The following ABCG2 variants were observed in gnomAD, a reference collection of about 807,000 sequenced individuals.
The protein encoded by ABCG2 is ATP binding cassette subfamily G member 2 (JR blood group), also known as broad substrate specificity ATP-binding cassette transporter ABCG2.
Under a neutral mutation model 73.5 loss-of-function variants are expected in ABCG2, and 80 were observed. That is an observed-to-expected ratio of 1.09 (90% CI 0.91 to 1.31). The LOEUF is 1.31. ABCG2 is among the 50% of genes most tolerant of loss of function. ABCG2 has a pLI of 0.00. For missense variants in ABCG2, 796 were observed against 786.2 expected (o/e 1.01, Z -0.15); for synonymous variants, 269 against 282.4 (o/e 0.95, Z 0.48).
At chr4:88,113,695 G>C (rs28465652) in intron 8 of ABCG2, 142 bp from the exon 9 acceptor site, 45,925 of 1,098,992 alleles carry the variant, frequency 0.042, 3,736 homozygotes, top group African/African-American at 0.3. Context: ...AGGCACGGCG[G>C]CTCATGACTG....
At chr4:88,110,299 T>TG (rs1002147225) in intron 9 of ABCG2, among the ~76,000 whole-genome samples, 7 of 151,878 alleles carry the variant, frequency 4.6e-5, no homozygotes, top group African/African-American at 1.7e-4. Flanking sequence ...CCCAGCACTG[T>TG]GGGGGACTGA....
intron 1 of ABCG2, among the ~76,000 whole-genome samples, chr4:88,193,581 T>C (rs1277238299): frequency 6.6e-6 from 1 of 152,188 alleles, no homozygotes; most frequent in African/African-American, 2.4e-5. Flanking sequence ...GTATCTGAAT[T>C]ATCCTGGATC....
At position 88,131,195 on chromosome 4, in the gene ABCG2, T is replaced by C. The variant is rs1439799804; in HGVS notation, c.397A>G (p.Thr133Ala). 1.2e-6 allele frequency: 2 copies of C among 1,613,980 alleles called. No homozygotes were observed. Among genetic ancestry groups the C allele is most frequent in the Non-Finnish European group, 1.7e-6 (2 of 1,179,932 alleles). Residue 133 changes from threonine to alanine, a missense_variant, in exon 5 of 16, where the codon ACT (threonine) becomes GCT (alanine). Coordinates refer to ENST00000237612, the MANE Select transcript of ABCG2 (RefSeq NM_004827.3). ...YVVQDDVVMG[T>A]LTVRENLQFS... ...TGTAAGTTTTCTCTCACCGTCAGAG[T>C]GCCCATCACAACATCATCCTTAAGG... is the stretch of plus-strand genomic sequence containing the variant.
chr4:88,099,596 C>T, intron 11 of ABCG2, 148 bp from the exon 12 acceptor site: 1 of 675,228 alleles, frequency 1.5e-6, no homozygotes, highest in Non-Finnish European at 2.3e-6. Context: ...ACTATGCATG[C>T]CCATGAATAC....
intron 1 of ABCG2, among the ~76,000 whole-genome samples, chr4:88,149,142 G>A (rs1726266465): frequency 1.3e-5 from 2 of 152,110 alleles, no homozygotes; most frequent in African/African-American, 2.4e-5. Context: ...TTGAGCCCAG[G>A]GAGTTCCAGG....
At chr4:88,145,615 G>A (rs757336250) in intron 1 of ABCG2, among the ~76,000 whole-genome samples, 3 of 152,056 alleles carry the variant, frequency 2.0e-5, no homozygotes, top group Non-Finnish European at 2.9e-5. Context: ...ATCAGGAAAG[G>A]CTCACAACCC....
chr4:88,178,449 CAG>C (rs959728190), intron 1 of ABCG2, among the ~76,000 whole-genome samples: 2 of 152,138 alleles, frequency 1.3e-5, no homozygotes, highest in Non-Finnish European at 2.9e-5. Context: ...GGGTGAGACT[CAG>C]AGACTTGCTG....
chr4:88,100,320 C>T (rs922990168), intron 11 of ABCG2, among the ~76,000 whole-genome samples: 2 of 151,680 alleles, frequency 1.3e-5, no homozygotes, highest in South Asian at 2.1e-4. Context: ...GCCAACATGG[C>T]GAAACCCCAT....
chr4:88,155,675 C>T (rs766491456), intron 1 of ABCG2, among the ~76,000 whole-genome samples: 18 of 152,172 alleles, frequency 1.2e-4, no homozygotes, highest in Non-Finnish European at 1.9e-4. Flanking sequence ...GAGGCCGAGG[C>T]GGGTGGATCA....
chr4:88,156,548 T>C (rs1275230499), intron 1 of ABCG2, among the ~76,000 whole-genome samples: 1 of 152,018 alleles, frequency 6.6e-6, no homozygotes, highest in South Asian at 2.1e-4. Flanking sequence ...CATGAGCCCA[T>C]ACTGATACAA....
chr4:88,168,361 C>T (rs1412015571), intron 1 of ABCG2, among the ~76,000 whole-genome samples: 1 of 151,994 alleles, frequency 6.6e-6, no homozygotes, highest in African/African-American at 2.4e-5. Context: ...GTGGCATGCG[C>T]CTGTAGTCCC....
chr4:88,113,181 C>A, intron 9 of ABCG2, 122 bp downstream of exon 9: 1 of 1,307,116 alleles, frequency 7.7e-7, no homozygotes, highest in Non-Finnish European at 1.1e-6. Context: ...GTTCTATATC[C>A]CAGGTGGAGT....
chr4:88,129,471 A>G (rs1724687120), intron 5 of ABCG2, among the ~76,000 whole-genome samples: 1 of 152,214 alleles, frequency 6.6e-6, no homozygotes, highest in South Asian at 2.1e-4. Flanking sequence ...TATCCTAACA[A>G]GCAACATAGG....
chr4:88,098,065 C>T (rs1202686274), intron 12 of ABCG2, among the ~76,000 whole-genome samples: 1 of 152,182 alleles, frequency 6.6e-6, no homozygotes, highest in Non-Finnish European at 1.5e-5. Flanking sequence ...TAACCCAAGC[C>T]TCCCCAGACA....
At chr4:88,197,387 G>C (rs1005897778) in intron 1 of ABCG2, among the ~76,000 whole-genome samples, 8 of 152,072 alleles carry the variant, frequency 5.3e-5, no homozygotes, top group Admixed American at 1.3e-4. Flanking sequence ...AGAGTGAGGT[G>C]GAAGGACTGC....
At chr4:88,157,452 A>G (rs1398275753) in intron 1 of ABCG2, among the ~76,000 whole-genome samples, 1 of 152,360 alleles carries the variant, frequency 6.6e-6, no homozygotes, top group East Asian at 1.9e-4. Flanking sequence ...ATTGTATTAT[A>G]GTAGCATGCC....
At chr4:88,097,956 A>G (rs185809607) in intron 12 of ABCG2, among the ~76,000 whole-genome samples, 112 of 151,826 alleles carry the variant, frequency 7.4e-4, no homozygotes, top group African/African-American at 2.6e-3. Flanking sequence ...CACATTACTC[A>G]TTGTGTGCTG....
In ABCG2 at chr4:88,097,519, T is replaced by A; in HGVS notation, c.1581A>T (p.Ile527=). The A allele has an allele frequency of 1.2e-6, 2 of 1,614,186 alleles. No individual in the cohort carries two copies. Among genetic ancestry groups the A allele is most frequent in the Non-Finnish European group, 1.7e-6 (2 of 1,180,012 alleles). The change falls in exon 13 of 16, where the codon ATA becomes ATT. Residue 527 remains isoleucine, a synonymous_variant. Transcript: ENST00000237612. ...AYSASSMALA[I]AAGQSVVSVA... ...CAGAAACCACACTCTGACCTGCTGC[T>A]ATGGCCAGTGCCATGGAACTGGCTG...
intron 5 of ABCG2, among the ~76,000 whole-genome samples, chr4:88,130,323 T>C (rs979892693): frequency 6.6e-6 from 1 of 151,878 alleles, no homozygotes; most frequent in African/African-American, 2.4e-5. Context: ...AGGATCTAAA[T>C]TGTGTGTTCC....
Sources: allele counts gnomAD v4.1 joint callset (sites outside exome capture counted in the v4.1 genomes callset), GRCh38; gene constraint gnomAD v4.1.1; transcripts MANE v1.5; gene names NCBI Gene and HGNC (gene_info 2026-07-23, HGNC 2026-07-21).